The following ADHFE1 variants were observed in gnomAD, a reference collection of about 807,000 sequenced individuals.
The protein encoded by ADHFE1 is alcohol dehydrogenase iron containing 1, also known as hydroxyacid-oxoacid transhydrogenase, mitochondrial.
In ADHFE1, 37 loss-of-function variants were observed where a neutral mutation model predicts 54.8. The observed-to-expected ratio is 0.68, with a 90% CI of 0.52 to 0.89. ADHFE1 has a LOEUF of 0.89. ADHFE1 is among the 40% of genes least tolerant of loss of function. The pLI, the probability that ADHFE1 is intolerant of heterozygous loss-of-function variation, is 0.00. For synonymous variants in ADHFE1, 203 were observed against 229.3 expected (o/e 0.89, Z 1.04); for missense variants, 601 against 591.2 (o/e 1.02, Z -0.17).
chr8:66,455,955 C>T (rs532191612), intron 10 of ADHFE1, among the ~76,000 whole-genome samples: 2 of 152,026 alleles, frequency 1.3e-5, no homozygotes, highest in African/African-American at 4.8e-5. Context: ...AAATAAACAA[C>T]AACAACAAAA....
intron 4 of ADHFE1, 51 bp from the exon 5 acceptor site, chr8:66,444,543 G>C: frequency 5.0e-6 from 8 of 1,611,490 alleles, no homozygotes; most frequent in Non-Finnish European, 6.8e-6. Flanking sequence ...TGCCAGAAGA[G>C]TCTATTGCAG....
At chr8:66,452,163 T>C in intron 9 of ADHFE1, 58 bp downstream of exon 9, 1 of 1,587,552 alleles carries the variant, frequency 6.3e-7, no homozygotes, top group Non-Finnish European at 8.6e-7. Context: ...TGCCAGCACG[T>C]GAAACATGAC....
chr8:66,455,484 C>T (rs1427287913), intron 10 of ADHFE1, among the ~76,000 whole-genome samples: 1 of 152,224 alleles, frequency 6.6e-6, no homozygotes. Flanking sequence ...AAGGAATGAT[C>T]AGCCTCTGAT....
Position 66,439,386 on chromosome 8 carries a change from G to C in ADHFE1, c.60-776G>C. The C allele has an allele frequency of 2.2e-5, 22 of 985,808 alleles. No homozygotes were observed. The highest frequency in any genetic ancestry group is 2.4e-5 in the Non-Finnish European group (20 of 830,130). The allele number at this position is 985,808 out of a possible 1,614,324, so 61.1% of individuals were successfully genotyped here. A position where few individuals can be genotyped will look rare whatever the true frequency, so the allele number is the denominator to read the frequency against. ...GCGAGCAGGAGAAAGAGAAGCCAGA[G>C]GAGAGACTGGGACTGTCCAGGAAAT... On this transcript the variant is annotated intron_variant, in intron 1 of 13. Coordinates refer to ENST00000396623, the MANE Select transcript of ADHFE1 (RefSeq NM_144650.3). The surrounding 1 kb of genome is among the most constrained non-coding windows in gnomAD (Gnocchi z 4.4).
intron 6 of ADHFE1, 106 bp from the exon 7 acceptor site, chr8:66,447,158 C>T: frequency 1.2e-6 from 1 of 857,452 alleles, no homozygotes; most frequent in Non-Finnish European, 1.8e-6. Context: ...AGAGGGTCAG[C>T]AAAGTTTCCT....
At chr8:66,467,383 C>T (rs571743764) in intron 13 of ADHFE1, among the ~76,000 whole-genome samples, 21 of 152,156 alleles carry the variant, frequency 1.4e-4, no homozygotes, top group African/African-American at 4.8e-4. Context: ...AACTTTGAGA[C>T]TCCAGTATCC....
intron 1 of ADHFE1, among the ~76,000 whole-genome samples, chr8:66,435,055 C>A (rs1805393513): frequency 6.6e-6 from 1 of 151,658 alleles, no homozygotes; most frequent in Admixed American, 6.6e-5. Context: ...AACAAAACAA[C>A]CTAACCACAC....
At chr8:66,446,564 T>C (rs1806036151) in intron 6 of ADHFE1, among the ~76,000 whole-genome samples, 1 of 152,218 alleles carries the variant, frequency 6.6e-6, no homozygotes, top group African/African-American at 2.4e-5. Flanking sequence ...AAGTCATACA[T>C]GCATGTTAAC....
chr8:66,457,479 C>CAAAAAAAAAAAAAAA (rs34484813), intron 12 of ADHFE1, among the ~76,000 whole-genome samples: 1 of 130,296 alleles, frequency 7.7e-6, no homozygotes. Flanking sequence ...CTCTCTCTCT[C>CAAAAAAAAAAAAAAA]AAAAAAAAAA....
In ADHFE1 at chr8:66,450,900, G is replaced by A. The variant is rs138862193; in HGVS notation, c.735-1053G>A. ...TTCCAAAACAATTTTCTAATGATTG[G>A]TCCAAAAAATATTATCTGCTTCTCA... On this transcript the variant is annotated intron_variant, in intron 8 of 13. Coordinates refer to ENST00000396623, the MANE Select transcript of ADHFE1 (RefSeq NM_144650.3). Among the ~76,000 whole-genome samples, 110 of 152,270 alleles carry A rather than the reference G, an allele frequency of 7.2e-4. 2 individuals are homozygous for A. Among genetic ancestry groups the A allele is most frequent in the African/African-American group, 2.5e-3 (105 of 41,550 alleles).
chr8:66,462,731 T>A (rs553142402), intron 13 of ADHFE1, among the ~76,000 whole-genome samples: 11 of 152,366 alleles, frequency 7.2e-5, no homozygotes, highest in African/African-American at 2.4e-4. Flanking sequence ...TCTGATACCC[T>A]TGGCGATTTG....
At chr8:66,466,661 C>A (rs1297823660) in intron 13 of ADHFE1, among the ~76,000 whole-genome samples, 6 of 152,138 alleles carry the variant, frequency 3.9e-5, no homozygotes, top group South Asian at 2.1e-4. Flanking sequence ...AGACAGTGAA[C>A]ATCTATAAAT....
rs762481783 is a variant in ADHFE1 at position 66,445,361 on chromosome 8, C to T, written c.497C>T (p.Ala166Val). ...PHSDFLDYVS[A>V]PIGKGKPVSV... ...TCTGATTTCCTAGATTATGTCAGTG[C>T]CCCCATTGGCAAGGGAAAGCCTGTG... Residue 166 changes from alanine to valine, a missense_variant, in exon 6 of 14, where the codon GCC becomes GTC. Ala to Val is a moderately conservative substitution (Grantham distance 64). Transcript: ENST00000396623. The T allele has an allele frequency of 1.2e-6, 2 of 1,613,804 alleles. No individual in the cohort carries two copies. The highest frequency in any genetic ancestry group is 1.7e-6 in the Non-Finnish European group (2 of 1,179,948).
intron 1 of ADHFE1, among the ~76,000 whole-genome samples, chr8:66,436,547 G>A (rs539277575): frequency 6.6e-6 from 1 of 152,282 alleles, no homozygotes; most frequent in South Asian, 2.1e-4. Flanking sequence ...GCTGTGGGAA[G>A]AGCAGGCTTG....
chr8:66,442,856 C>A lies in ADHFE1; in HGVS notation c.144+12C>A. 1 of 1,564,748 alleles carries A rather than the reference C, an allele frequency of 6.4e-7. No individual in the cohort carries two copies. The highest frequency in any genetic ancestry group is 1.2e-5 in the South Asian group (1 of 81,908). On this transcript the variant is annotated intron_variant, in intron 3 of 13. Coordinates refer to ENST00000396623, the MANE Select transcript of ADHFE1 (RefSeq NM_144650.3). ...ATTATGCCTTTGAGGTATATTCACTCAATCCATTATTTCTTTTATGAATGA... is the reference window on the plus strand; with the variant it reads ...ATTATGCCTTTGAGGTATATTCACTAAATCCATTATTTCTTTTATGAATGA...
At position 66,442,836 on chromosome 8, in the gene ADHFE1, G is replaced by A. The variant is rs947100897; in HGVS notation, c.136G>A (p.Ala46Thr). ...ACCTTCTGGGAAAACAACAGATTAT[G>A]CCTTTGAGGTATATTCACTCAATCC... ...LSPSGKTTDY[A>T]FEMAVSNIRY... The change falls in exon 3 of 14, where the codon GCC becomes ACC. Residue 46 changes from alanine to threonine, a missense_variant. Transcript: ENST00000396623. 7 of 1,592,932 alleles carry A rather than the reference G, an allele frequency of 4.4e-6. No homozygotes were observed. The African/African-American group carries it at 9.5e-5, about 22-fold the overall frequency.
chr8:66,460,030 T>G, intron 12 of ADHFE1: 1 of 389,112 alleles, frequency 2.6e-6, no homozygotes, highest in South Asian at 4.2e-5. Flanking sequence ...CAGCCGACTT[T>G]CTTGCCTTGT....
intron 6 of ADHFE1, 27 bp from the exon 7 acceptor site, chr8:66,447,237 A>G: frequency 6.3e-7 from 1 of 1,594,770 alleles, no homozygotes; most frequent in South Asian, 1.1e-5. Flanking sequence ...TAGATGCTTT[A>G]TTAAAATTAA....
intron 10 of ADHFE1, among the ~76,000 whole-genome samples, chr8:66,456,600 T>C (rs1462024057): frequency 6.6e-6 from 1 of 152,240 alleles, no homozygotes; most frequent in East Asian, 1.9e-4. Context: ...CTATGAGCAT[T>C]TGAATTTGAG....
Sources: gnomAD v4.1 joint callset for allele counts (sites outside exome capture counted in the v4.1 genomes callset) on GRCh38, gnomAD v4.1.1 for gene constraint, Gnocchi (gnomAD v3.1) non-coding constraint, MANE v1.5 for transcripts, NCBI Gene and HGNC (gene_info 2026-07-23, HGNC 2026-07-21) for gene names.